MBD5: variants seen among roughly 807,000 people sequenced by gnomAD.
MBD5 encodes the protein methyl-CpG-binding domain protein 5.
A neutral mutation model predicts 117.3 loss-of-function variants in MBD5; 13 were observed. The observed-to-expected ratio is 0.11, with a 90% CI of 0.07 to 0.18. The LOEUF is 0.18. Ranked by LOEUF, MBD5 falls within the 10% of genes least tolerant of loss-of-function variation. MBD5 has a pLI of 1.00. For missense variants in MBD5, 1,879 were observed against 2,093.8 expected (o/e 0.90, Z 2.00); for synonymous variants, 727 against 766.4 (o/e 0.95, Z 0.85).
intron 7 of MBD5, among the ~76,000 whole-genome samples, chr2:148,465,684 A>G (rs189507180): frequency 1.3e-5 from 2 of 152,286 alleles, no homozygotes; most frequent in East Asian, 3.9e-4. Flanking sequence ...ACTTGAATAG[A>G]AGATTAGACC....
chr2:148,105,694 TTA>T (rs1229042927), intron 1 of MBD5, among the ~76,000 whole-genome samples: 1 of 152,126 alleles, frequency 6.6e-6, no homozygotes, highest in African/African-American at 2.4e-5. Context: ...TATCATTAAT[TTA>T]TCTTATTTTG....
At chr2:148,133,932 ATTATTTTGAAAAGTTACTG>A (rs1697110564) in intron 1 of MBD5, among the ~76,000 whole-genome samples, 1 of 152,196 alleles carries the variant, frequency 6.6e-6, no homozygotes, top group South Asian at 2.1e-4. Flanking sequence ...AATAATTTAA[ATTATTTTGAAAAGTTACTG>A]TTCAAAACTA....
intron 3 of MBD5, among the ~76,000 whole-genome samples, chr2:148,258,827 C>T (rs930108584): frequency 1.3e-5 from 2 of 152,214 alleles, no homozygotes; most frequent in African/African-American, 4.8e-5. Flanking sequence ...ATGGGGGCCC[C>T]CCTGTGGGTG....
chr2:148,217,607 C>G (rs533476733), intron 2 of MBD5, among the ~76,000 whole-genome samples: 96 of 152,252 alleles, frequency 6.3e-4, no homozygotes, highest in Middle Eastern at 3.4e-3. Context: ...TTTGTTGTTG[C>G]CATTTCATAT....
chr2:148,320,882 A>T (rs543536630), intron 3 of MBD5, among the ~76,000 whole-genome samples: 118 of 151,484 alleles, frequency 7.8e-4, no homozygotes, highest in African/African-American at 2.8e-3. Flanking sequence ...GTTTATTTGG[A>T]TCTTCTCTCC....
At chr2:148,149,414 C>G (rs1464215063) in intron 1 of MBD5, among the ~76,000 whole-genome samples, 2 of 143,568 alleles carry the variant, frequency 1.4e-5, no homozygotes, top group Non-Finnish European at 3.0e-5. Flanking sequence ...GTGCATGTGT[C>G]TTTATAGCAG....
At chr2:148,448,768 A>G (rs895211701) in intron 4 of MBD5, among the ~76,000 whole-genome samples, 1 of 152,096 alleles carries the variant, frequency 6.6e-6, no homozygotes, top group African/African-American at 2.4e-5. Context: ...GGGAATAAAC[A>G]AAATTGATAT....
chr2:148,490,115 G>A lies in MBD5; in HGVS notation c.4483G>A (p.Glu1495Lys). Residue 1495 changes from glutamate to lysine, a missense_variant, in exon 11 of 14, where the codon GAA becomes AAA. Glu to Lys is a moderately conservative substitution (Grantham distance 56). This residue lies in a region of MBD5 where 1,666 missense variants were observed against 1,792.2 expected (regional missense o/e 0.93). Coordinates refer to ENST00000642680, the MANE Select transcript of MBD5 (RefSeq NM_001378120.1). ...CTGTCCAGGGGATAAAATTCTAGAGGAAAATTTCAGGTATAATAACTACAA... is the reference window on the plus strand; with the variant it reads ...CTGTCCAGGGGATAAAATTCTAGAGAAAAATTTCAGGTATAATAACTACAA... ...RNCPGDKILE[E>K]NFRYNNYKRT... The A allele has an allele frequency of 6.2e-7, 1 of 1,613,886 alleles. No individual in the cohort carries two copies. The highest frequency in any genetic ancestry group is 8.5e-7 in the Non-Finnish European group (1 of 1,179,986).
At chr2:148,175,670 G>C (rs1698367653) in intron 1 of MBD5, among the ~76,000 whole-genome samples, 1 of 152,196 alleles carries the variant, frequency 6.6e-6, no homozygotes, top group Non-Finnish European at 1.5e-5. Context: ...AAATACCATA[G>C]TTAATTGTAG....
At chr2:148,217,034 T>G (rs1699574701) in intron 2 of MBD5, among the ~76,000 whole-genome samples, 1 of 152,192 alleles carries the variant, frequency 6.6e-6, no homozygotes, top group Admixed American at 6.5e-5. Flanking sequence ...TACCATAGAT[T>G]CATTGTACAT....
intron 5 of MBD5, among the ~76,000 whole-genome samples, chr2:148,461,090 G>A (rs1707059174): frequency 6.6e-6 from 1 of 152,052 alleles, no homozygotes; most frequent in African/African-American, 2.4e-5. Flanking sequence ...ACACTACCAT[G>A]CCCAGCTAAT....
At chr2:148,303,781 C>T (rs566496521) in intron 3 of MBD5, among the ~76,000 whole-genome samples, 64 of 152,224 alleles carry the variant, frequency 4.2e-4, no homozygotes, top group Non-Finnish European at 6.9e-4. Context: ...ATATAGTTTG[C>T]TCACTCTGAA....
At chr2:148,031,337 T>G (rs890764430) in intron 1 of MBD5, among the ~76,000 whole-genome samples, 3 of 116,082 alleles carry the variant, frequency 2.6e-5, no homozygotes, top group Non-Finnish European at 6.0e-5. Flanking sequence ...AAATATGCCT[T>G]GTAAAAAAAA....
intron 3 of MBD5, among the ~76,000 whole-genome samples, chr2:148,323,049 T>G (rs1006962732): frequency 6.7e-6 from 1 of 149,032 alleles, no homozygotes. Flanking sequence ...CCTGTGTCCA[T>G]GTGTTCTCAT....
intron 1 of MBD5, among the ~76,000 whole-genome samples, chr2:148,034,180 G>GT (rs369612633): frequency 2.0e-5 from 3 of 152,250 alleles, no homozygotes; most frequent in Non-Finnish European, 4.4e-5. Flanking sequence ...GGGTGACACA[G>GT]TAAGACCCTG....
At chr2:148,129,043 G>A (rs950515638) in intron 1 of MBD5, among the ~76,000 whole-genome samples, 8 of 152,076 alleles carry the variant, frequency 5.3e-5, no homozygotes, top group Admixed American at 1.3e-4. Flanking sequence ...ATTGCCTTTC[G>A]TCTTTTTTAT....
chr2:148,328,196 A>T (rs1027011783), intron 3 of MBD5, among the ~76,000 whole-genome samples: 1 of 152,196 alleles, frequency 6.6e-6, no homozygotes, highest in South Asian at 2.1e-4. Context: ...CAGTCTGCCC[A>T]TTCTCAGATC....
intron 3 of MBD5, among the ~76,000 whole-genome samples, chr2:148,251,202 C>A (rs1430894499): frequency 2.0e-5 from 3 of 152,082 alleles, no homozygotes; most frequent in African/African-American, 4.8e-5. Flanking sequence ...TATTTTATAA[C>A]AAAAAGGGCT....
chr2:148,219,143 A>G (rs1427406200), intron 2 of MBD5, among the ~76,000 whole-genome samples: 1 of 152,138 alleles, frequency 6.6e-6, no homozygotes, highest in East Asian at 1.9e-4. Context: ...GCTTGTTTCT[A>G]TTAAATTTTT....
Sources: allele counts gnomAD v4.1 joint callset (sites outside exome capture counted in the v4.1 genomes callset), GRCh38; gene constraint gnomAD v4.1.1; regional missense constraint gnomAD v4.1.1; transcripts MANE v1.5; gene names NCBI Gene and HGNC (gene_info 2026-07-23, HGNC 2026-07-21).